The following ANKRD30B variants were observed in gnomAD, a reference collection of about 807,000 sequenced individuals.
ANKRD30B encodes the protein ankyrin repeat domain 30B, also known as ankyrin repeat domain-containing protein 30B.
Under a neutral mutation model 202.2 loss-of-function variants are expected in ANKRD30B, and 144 were observed. The observed-to-expected ratio is 0.71, with a 90% CI of 0.62 to 0.82. The LOEUF is 0.82. Among genes scored for constraint, ANKRD30B ranks in the 40% least tolerant of loss-of-function variants. ANKRD30B has a pLI of 0.00. For missense variants in ANKRD30B, 1,487 were observed against 1,669.1 expected, an observed-to-expected ratio of 0.89 and a Z score of 1.90; for synonymous variants, 508 against 561.3, an observed-to-expected ratio of 0.91 and a Z score of 1.34.
downstream of ANKRD30B, among the ~76,000 whole-genome samples, chr18:14,855,852 G>C (rs1375657935): frequency 6.8e-5 from 10 of 147,174 alleles, no homozygotes; most frequent in Admixed American, 1.4e-4. Context: ...TCACCTCCCA[G>C]ACGTCGCGGC....
chr18:14,847,597 C>T lies in ANKRD30B; in HGVS notation c.3182-1119C>T, dbSNP rs537373950. Among the ~76,000 whole-genome samples the T allele has an allele frequency of 7.0e-5, 9 of 128,390 alleles. No individual in the cohort carries two copies. The South Asian group carries it at 2.3e-3, about 33-fold the overall frequency. The allele number at this position is 128,390 out of a possible 152,430, so 84.2% of individuals were successfully genotyped here. A position where few individuals can be genotyped will look rare whatever the true frequency, so the allele number is the denominator to read the frequency against. ...ATTGTAACTTGTATCTCTAGAAGTG[C>T]AATTTAGTTTTTAAAAGTATCTTCT... On this transcript the variant is annotated intron_variant, in intron 39 of 43. Coordinates refer to ENST00000690538, the MANE Select transcript of ANKRD30B (RefSeq NM_001367607.2).
At chr18:14,853,215 A>G (rs1331297879) in intron 42 of ANKRD30B, among the ~76,000 whole-genome samples, 2 of 152,026 alleles carry the variant, frequency 1.3e-5, no homozygotes, top group Non-Finnish European at 2.9e-5. Context: ...CAGAAAGATG[A>G]TTGTAGCTAT....
At chr18:14,909,580 G>T in the ANKRD30B span, among the ~76,000 whole-genome samples, 1 of 151,888 alleles carries the variant, frequency 6.6e-6, no homozygotes, top group Non-Finnish European at 1.5e-5. Flanking sequence ...CTATTTTTTT[G>T]TATTTTTAGT....
the ANKRD30B span, among the ~76,000 whole-genome samples, chr18:14,865,959 G>T: frequency 1.3e-5 from 2 of 152,078 alleles, no homozygotes; most frequent in Non-Finnish European, 2.9e-5. Flanking sequence ...TGGACTACAC[G>T]TTCCAGGATT....
At position 14,752,864 on chromosome 18, in the gene ANKRD30B, G is replaced by T; in HGVS notation, c.362G>T (p.Cys121Phe). 1 of 1,610,032 alleles carries T rather than the reference G, an allele frequency of 6.2e-7. No homozygotes were observed. The highest frequency in any genetic ancestry group is 8.5e-7 in the Non-Finnish European group (1 of 1,177,802). Residue 121 changes from cysteine (C) to phenylalanine (F), a missense_variant, in exon 3 of 44, where the codon TGT (cysteine) becomes TTT (phenylalanine). Around this residue, in one of 6 missense-constraint regions of ANKRD30B, gnomAD observed 889 missense variants for 841.4 expected, o/e 1.06. Transcript: ENST00000690538. ...GCTCTACAATGCGAGAGGGAGGCTT[G>T]TGCAAATATTCTCATAGATGCTGGT... ...MKALQCEREA[C>F]ANILIDAGAD...
chr18:14,820,912 T>G (rs1202279134), intron 30 of ANKRD30B, among the ~76,000 whole-genome samples: 1 of 152,190 alleles, frequency 6.6e-6, no homozygotes, highest in African/African-American at 2.4e-5. Flanking sequence ...CTTTTTCTAT[T>G]GATTGGAATA....
chr18:14,840,273 C>T (rs1305155265), intron 36 of ANKRD30B, among the ~76,000 whole-genome samples: 1 of 152,070 alleles, frequency 6.6e-6, no homozygotes, highest in Non-Finnish European at 1.5e-5. Context: ...TGTGGTGGCT[C>T]ACACCTGTAA....
At chr18:14,787,250 A>C in intron 15 of ANKRD30B, 150 bp downstream of exon 15, 1 of 657,696 alleles carries the variant, frequency 1.5e-6, no homozygotes, top group South Asian at 2.2e-5. Context: ...TAGAGAATAT[A>C]TGTGCTAAGT....
intron 9 of ANKRD30B, among the ~76,000 whole-genome samples, chr18:14,775,585 TATA>T (rs1967305782): frequency 6.6e-6 from 1 of 152,232 alleles, no homozygotes. Context: ...CCTGTAAAAC[TATA>T]ATAACAACAA....
At chr18:14,872,292 C>T in the ANKRD30B span, among the ~76,000 whole-genome samples, 7 of 152,206 alleles carry the variant, frequency 4.6e-5, no homozygotes, top group Middle Eastern at 3.2e-3. Flanking sequence ...AAGGGTTTCT[C>T]CTACCATTTC....
chr18:14,874,408 G>A, the ANKRD30B span, among the ~76,000 whole-genome samples: 1 of 152,156 alleles, frequency 6.6e-6, no homozygotes, highest in Non-Finnish European at 1.5e-5. Context: ...GCAATCGCTG[G>A]ACTTATTTGA....
the ANKRD30B span, among the ~76,000 whole-genome samples, chr18:14,910,370 A>T: frequency 1.3e-5 from 2 of 152,086 alleles, no homozygotes; most frequent in Non-Finnish European, 2.9e-5. Context: ...TTCACTGAGG[A>T]TAATGGCCTC....
intron 36 of ANKRD30B, among the ~76,000 whole-genome samples, chr18:14,837,918 A>G (rs1971251815): frequency 6.6e-6 from 1 of 152,212 alleles, no homozygotes; most frequent in African/African-American, 2.4e-5. Flanking sequence ...TGGGAGACTG[A>G]GGCAGGAGAA....
intron 30 of ANKRD30B, among the ~76,000 whole-genome samples, chr18:14,817,926 G>C (rs566954231): frequency 5.5e-4 from 83 of 152,098 alleles, no homozygotes; most frequent in Non-Finnish European, 7.8e-4. Context: ...AAAATGCTTG[G>C]ACATAAATTT....
At chr18:14,759,317 G>GACTA (rs1914883414) in intron 5 of ANKRD30B, 1 of 152,186 alleles carries the variant, frequency 6.6e-6, no homozygotes, top group Non-Finnish European at 1.5e-5. Flanking sequence ...AAGGACATTT[G>GACTA]ACTAACTAGC....
intron 32 of ANKRD30B, among the ~76,000 whole-genome samples, chr18:14,825,759 A>C (rs572490353): frequency 6.6e-6 from 1 of 152,224 alleles, no homozygotes; most frequent in African/African-American, 2.4e-5. Flanking sequence ...ATGTCTAACT[A>C]GGAAATATAA....
chr18:14,795,433 G>T (rs1257203691), intron 16 of ANKRD30B, among the ~76,000 whole-genome samples: 2 of 152,200 alleles, frequency 1.3e-5, no homozygotes, highest in Admixed American at 6.5e-5. Flanking sequence ...CTGGCCTTGA[G>T]AGATCCGCCC....
At chr18:14,928,220 G>A in the ANKRD30B span, among the ~76,000 whole-genome samples, 35 of 152,170 alleles carry the variant, frequency 2.3e-4, no homozygotes, top group South Asian at 3.5e-3. Context: ...TGCCTGCCTC[G>A]GCGTCCCAAA....
chr18:14,885,286 G>C, the ANKRD30B span, among the ~76,000 whole-genome samples: 1 of 152,030 alleles, frequency 6.6e-6, no homozygotes, highest in South Asian at 2.1e-4. Context: ...ACTTTCTCAT[G>C]TATCATTCAT....
Sources: allele counts gnomAD v4.1 joint callset (sites outside exome capture counted in the v4.1 genomes callset), GRCh38; gene constraint gnomAD v4.1.1; regional missense constraint gnomAD v4.1.1; transcripts MANE v1.5; gene names NCBI Gene and HGNC (gene_info 2026-07-23, HGNC 2026-07-21).